The following NUDT3 variants were observed in gnomAD, a reference collection of about 807,000 sequenced individuals.
NUDT3 encodes the protein nudix hydrolase 3, also known as diphosphoinositol polyphosphate phosphohydrolase 1.
A neutral mutation model predicts 23.6 loss-of-function variants in NUDT3; 9 were observed. The ratio of observed to expected loss-of-function variants is 0.38; its 90% CI spans 0.23 to 0.66. The LOEUF (loss-of-function observed/expected upper bound fraction) is 0.66. Among genes scored for constraint, NUDT3 ranks in the 30% least tolerant of loss-of-function variants. The probability of loss-of-function intolerance (pLI) is 0.52; values close to 1 mark genes in which losing one functional copy is unlikely to be tolerated. For missense variants in NUDT3, 172 were observed against 218.5 expected, an observed-to-expected ratio of 0.79 and a Z score of 1.34; for synonymous variants, 86 against 82.6, an observed-to-expected ratio of 1.04 and a Z score of -0.22.
At chr6:34,322,581 A>T (rs1259820431) in intron 2 of NUDT3, among the ~76,000 whole-genome samples, 1 of 152,226 alleles carries the variant, frequency 6.6e-6, no homozygotes, top group Non-Finnish European at 1.5e-5. Flanking sequence ...TATGGGAAGA[A>T]TGGAAATACA....
intron 2 of NUDT3, among the ~76,000 whole-genome samples, chr6:34,313,454 T>A (rs1397968086): frequency 6.6e-6 from 1 of 151,934 alleles, no homozygotes; most frequent in Non-Finnish European, 1.5e-5. Context: ...TTTCTACAAA[T>A]CCAAAGAAAG....
chr6:34,360,167 C>G (rs1764626449), intron 1 of NUDT3, among the ~76,000 whole-genome samples: 1 of 144,780 alleles, frequency 6.9e-6, no homozygotes, highest in African/African-American at 2.6e-5. Flanking sequence ...GAGGTTGAAG[C>G]TGCAAGGCTG....
At chr6:34,331,570 TTAGGA>T (rs1764129098) in intron 2 of NUDT3, among the ~76,000 whole-genome samples, 1 of 152,144 alleles carries the variant, frequency 6.6e-6, no homozygotes, top group African/African-American at 2.4e-5. Context: ...AGAAGTACTA[TTAGGA>T]TAGAAGTGAG....
At chr6:34,310,543 TCCA>T (rs569013994) in intron 2 of NUDT3, among the ~76,000 whole-genome samples, 2 of 150,948 alleles carry the variant, frequency 1.3e-5, no homozygotes, top group East Asian at 1.9e-4. Flanking sequence ...AACAACAACA[TCCA>T]CCACCACCAC....
intron 1 of NUDT3, among the ~76,000 whole-genome samples, chr6:34,370,994 C>G (rs532632191): frequency 3.3e-4 from 50 of 151,936 alleles, no homozygotes; most frequent in East Asian, 2.3e-3. Flanking sequence ...ACCTGTAATC[C>G]CAGCTACTCG....
At chr6:34,392,234 G>T in intron 1 of NUDT3, 30 bp downstream of exon 1, 1 of 1,537,450 alleles carries the variant, frequency 6.5e-7, no homozygotes, top group South Asian at 1.2e-5. Context: ...GAGACCCGGC[G>T]ACCCCGGCCC....
intron 1 of NUDT3, 74 bp downstream of exon 1, chr6:34,392,190 G>T: frequency 1.6e-6 from 2 of 1,221,634 alleles, no homozygotes; most frequent in Non-Finnish European, 1.1e-6. Flanking sequence ...TCCTCCGGCG[G>T]CCGCGCCCCT....
At chr6:34,379,897 C>G (rs1386426938) in intron 1 of NUDT3, among the ~76,000 whole-genome samples, 1 of 151,564 alleles carries the variant, frequency 6.6e-6, no homozygotes, top group Non-Finnish European at 1.5e-5. Context: ...ATCCCAGCTA[C>G]TTGGGAGGTG....
In NUDT3 at chr6:34,392,642, C is replaced by A; in HGVS notation, c.-280G>T. The A allele has an allele frequency of 4.4e-6, 1 of 228,072 alleles. No individual in the cohort carries two copies. Among genetic ancestry groups the A allele is most frequent in the South Asian group, 1.5e-4 (1 of 6,658 alleles). The allele number at this position is 228,072 out of a possible 1,614,324, so 14.1% of individuals were successfully genotyped here. On this transcript the variant is annotated 5_prime_UTR_variant, in exon 1 of 5. The change abolishes an upstream ATG in the 5' untranslated region. Transcript: ENST00000607016. Reference sequence around the variant, plus strand: ...CCACCCCCGACGACGACCGCGCCGCCATCTTGGGCGCGATGCGTCAGCGGC... The same window carrying A: ...CCACCCCCGACGACGACCGCGCCGCAATCTTGGGCGCGATGCGTCAGCGGC...
chr6:34,297,406 C>G (rs1763517263), intron 2 of NUDT3, among the ~76,000 whole-genome samples: 1 of 152,000 alleles, frequency 6.6e-6, no homozygotes, highest in African/African-American at 2.4e-5. Context: ...GTTCTGTACT[C>G]TGATCCCAGG....
chr6:34,392,541 A>G lies in NUDT3; in HGVS notation c.-179T>C. 2 of 416,476 alleles carry G rather than the reference A, an allele frequency of 4.8e-6. No homozygotes were observed. Among genetic ancestry groups the G allele is most frequent in the Non-Finnish European group, 8.5e-6 (2 of 235,682 alleles). The allele number at this position is 416,476 out of a possible 1,614,324, so 25.8% of individuals were successfully genotyped here. On this transcript the variant is annotated 5_prime_UTR_variant, in exon 1 of 5. Transcript: ENST00000607016. ...GCGGCCGCCTCATTCCCCCAGGCCCAGGTCCCGCGCCGCCGCTGCCACCGT... is the reference window on the plus strand; with the variant it reads ...GCGGCCGCCTCATTCCCCCAGGCCCGGGTCCCGCGCCGCCGCTGCCACCGT...
rs1763279220 is a variant in NUDT3 at position 34,281,520 on chromosome 6, C to T, written c.*7233G>A. The stretch of plus-strand genomic sequence containing the variant: ...TACTTATTCTAACCACCAACCTTTT[C>T]TTTGATTATCAACCAGTTTGACAGT... On this transcript the variant is annotated 3_prime_UTR_variant, in exon 5 of 5. Transcript: ENST00000607016. The T allele has an allele frequency of 6.6e-6, 1 of 152,076 alleles. No individual in the cohort carries two copies. Among genetic ancestry groups the T allele is most frequent in the African/African-American group, 2.4e-5 (1 of 41,386 alleles). 9.4% of individuals were successfully genotyped at this position (152,076 alleles called of 1,614,324 possible).
chr6:34,380,318 C>G (rs998369325), intron 1 of NUDT3, among the ~76,000 whole-genome samples: 4 of 152,046 alleles, frequency 2.6e-5, no homozygotes, highest in Non-Finnish European at 5.9e-5. Context: ...TCCCAAAGTG[C>G]TGGGATTACA....
intron 1 of NUDT3, among the ~76,000 whole-genome samples, chr6:34,385,704 G>A (rs1312980902): frequency 6.9e-6 from 1 of 145,824 alleles, no homozygotes; most frequent in South Asian, 2.1e-4. Context: ...TTTTTTTTGA[G>A]ACAGACTCTT....
intron 1 of NUDT3, among the ~76,000 whole-genome samples, chr6:34,345,435 G>A (rs559133407): frequency 1.7e-4 from 26 of 151,626 alleles, no homozygotes; most frequent in African/African-American, 5.6e-4. Context: ...AGGTCGAGGC[G>A]GGCAGATCAC....
rs759410698 is a variant in NUDT3 at position 34,392,254 on chromosome 6, G to T, written c.99+10C>A. On this transcript the variant is annotated intron_variant, in intron 1 of 4. Transcript: ENST00000607016. ...CCGGCGACCCCGGCCCGCCCAGCCTGCCGCCTCACCTCCTCCTCGCTCTCG... is the reference window on the plus strand; with the variant it reads ...CCGGCGACCCCGGCCCGCCCAGCCTTCCGCCTCACCTCCTCCTCGCTCTCG... 3.8e-6 allele frequency: 6 copies of T among 1,581,186 alleles called. No individual in the cohort carries two copies. The highest frequency in any genetic ancestry group is 4.3e-6 in the Non-Finnish European group (5 of 1,169,970).
At chr6:34,367,308 C>T (rs981990877) in intron 1 of NUDT3, among the ~76,000 whole-genome samples, 1 of 151,780 alleles carries the variant, frequency 6.6e-6, no homozygotes, top group African/African-American at 2.4e-5. Context: ...ATGGTGAAAC[C>T]CCGTCCCTAC....
chr6:34,389,144 G>C (rs1207573289), intron 1 of NUDT3, among the ~76,000 whole-genome samples: 1 of 152,182 alleles, frequency 6.6e-6, no homozygotes, highest in African/African-American at 2.4e-5. Context: ...ATCTCGATTT[G>C]TAATCACCAC....
At chr6:34,314,342 C>G (rs1299503320) in intron 2 of NUDT3, among the ~76,000 whole-genome samples, 4 of 149,546 alleles carry the variant, frequency 2.7e-5, no homozygotes, top group Non-Finnish European at 5.9e-5. Context: ...GACCTGAGGT[C>G]AGCTGTTTGA....
Sources: gnomAD v4.1 joint callset for allele counts (sites outside exome capture counted in the v4.1 genomes callset) on GRCh38, gnomAD v4.1.1 for gene constraint, MANE v1.5 for transcripts, NCBI Gene and HGNC (gene_info 2026-07-23, HGNC 2026-07-21) for gene names.